Variants in ZDHHC3 observed in about 807,000 individuals in gnomAD.
ZDHHC3 encodes the protein zDHHC palmitoyltransferase 3.
ZDHHC3 carries 9 observed loss-of-function variants against 30.6 expected under a neutral mutation model. The ratio of observed to expected loss-of-function variants is 0.29; its 90% CI spans 0.18 to 0.51. The LOEUF is 0.51. ZDHHC3 is among the 20% of genes least tolerant of loss of function. ZDHHC3 has a pLI of 0.97. For missense variants in ZDHHC3, 246 were observed against 384.2 expected (o/e 0.64, Z 3.01); for synonymous variants, 136 against 140.2 (o/e 0.97, Z 0.21).
chr3:44,937,560 T>TTG lies in ZDHHC3; in HGVS notation c.432-3577_432-3576insCA, dbSNP rs1553686287. The TTG allele has an allele frequency of 2.7e-5, 4 of 147,310 alleles. No individual in the cohort carries two copies. The East Asian group carries it at 6.0e-4, about 22-fold the overall frequency. The allele number at this position is 147,310 out of a possible 1,614,324, so 9.1% of individuals were successfully genotyped here. A position where few individuals can be genotyped will look rare whatever the true frequency, so the allele number is the denominator to read the frequency against. ...GTCTCTAAAAATAAGTTTTTTTTTTTTTTTTTTTTTTTTAAAAAAAAAAGC... is the reference window on the plus strand; with the variant it reads ...GTCTCTAAAAATAAGTTTTTTTTTTTTGTTTTTTTTTTTTTAAAAAAAAAAGC... On this transcript the variant is annotated intron_variant, in intron 3 of 6. Transcript: ENST00000424952.
intron 2 of ZDHHC3, among the ~76,000 whole-genome samples, chr3:44,952,556 G>C (rs1279067639): frequency 1.3e-5 from 2 of 152,164 alleles, no homozygotes; most frequent in East Asian, 3.8e-4. Flanking sequence ...TCCTGGGCAG[G>C]GCTCTTGAGG....
intron 5 of ZDHHC3, chr3:44,932,893 A>G: frequency 6.2e-7 from 1 of 1,613,878 alleles, no homozygotes; most frequent in Non-Finnish European, 8.5e-7. Flanking sequence ...TGTCTGTCCA[A>G]CTCATGACTT....
At chr3:44,965,766 C>T (rs1277140066) in intron 1 of ZDHHC3, among the ~76,000 whole-genome samples, 6 of 152,184 alleles carry the variant, frequency 3.9e-5, no homozygotes, top group Non-Finnish European at 8.8e-5. Flanking sequence ...CCAAGGACCC[C>T]CATCCTCTCA....
Position 44,921,563 on chromosome 3 carries a change from G to T in ZDHHC3, c.*5126C>A, listed in dbSNP as rs1308628654. On this transcript the variant is annotated 3_prime_UTR_variant, in exon 7 of 7. Transcript: ENST00000424952. The stretch of plus-strand genomic sequence containing the variant: ...AACATGCTGGTTGCAAACCATGAAT[G>T]GCTGTGACCAATGGTTTGAAAAGCA... 1 of 985,260 alleles carries T rather than the reference G, an allele frequency of 1.0e-6. No individual in the cohort carries two copies. The highest frequency in any genetic ancestry group is 1.2e-6 in the Non-Finnish European group (1 of 829,934). The allele number at this position is 985,260 out of a possible 1,614,324, so 61.0% of individuals were successfully genotyped here. A position where few individuals can be genotyped will look rare whatever the true frequency, so the allele number is the denominator to read the frequency against.
intron 6 of ZDHHC3, among the ~76,000 whole-genome samples, chr3:44,928,246 C>T (rs770723601): frequency 2.0e-5 from 3 of 152,180 alleles, no homozygotes; most frequent in Admixed American, 6.5e-5. Flanking sequence ...CCAAAAGCCC[C>T]GCAACCTTCT....
At chr3:44,931,189 G>C (rs1197767862) in intron 5 of ZDHHC3, among the ~76,000 whole-genome samples, 1 of 152,158 alleles carries the variant, frequency 6.6e-6, no homozygotes. Context: ...TTTCCTTTCT[G>C]TACAGGGGAA....
chr3:44,952,201 T>C (rs1703523505), intron 2 of ZDHHC3, among the ~76,000 whole-genome samples: 1 of 152,146 alleles, frequency 6.6e-6, no homozygotes, highest in Non-Finnish European at 1.5e-5. Context: ...CCCTGTCACC[T>C]GGGGTAGAAA....
At chr3:44,928,701 C>T (rs1197171345) in intron 6 of ZDHHC3, among the ~76,000 whole-genome samples, 2 of 152,198 alleles carry the variant, frequency 1.3e-5, no homozygotes, top group African/African-American at 2.4e-5. Flanking sequence ...CAGCCAGCAG[C>T]CTCAAAGCTT....
intron 1 of ZDHHC3, among the ~76,000 whole-genome samples, chr3:44,965,191 A>G (rs948785861): frequency 2.0e-5 from 3 of 152,260 alleles, no homozygotes; most frequent in African/African-American, 7.2e-5. Context: ...GTGCTATTCT[A>G]AAAGCAACAA....
chr3:44,933,466 A>G, intron 4 of ZDHHC3: 1 of 574,508 alleles, frequency 1.7e-6, no homozygotes, highest in East Asian at 2.9e-5. Context: ...TCCAGGCAGT[A>G]TGAGCTGCCT....
At chr3:44,949,559 C>CAAAACAAAAACA (rs767899934) in intron 2 of ZDHHC3, among the ~76,000 whole-genome samples, 1 of 152,092 alleles carries the variant, frequency 6.6e-6, no homozygotes, top group African/African-American at 2.4e-5. Context: ...TAAAAACAAG[C>CAAAACAAAAACA]AAAACAAAAA....
At chr3:44,936,090 G>A (rs1701939243) in intron 3 of ZDHHC3, among the ~76,000 whole-genome samples, 1 of 152,140 alleles carries the variant, frequency 6.6e-6, no homozygotes, top group Non-Finnish European at 1.5e-5. Flanking sequence ...AGAATGGGAG[G>A]AAATATTTGC....
At position 44,922,427 on chromosome 3, in the gene ZDHHC3, G is replaced by A. The variant is rs144761941; in HGVS notation, c.*4262C>T. The stretch of plus-strand genomic sequence containing the variant: ...TGATGAGATGCACAAGGAGTGGTGG[G>A]CAGGCTAATAATTTGGATCTGCTTC... On this transcript the variant is annotated 3_prime_UTR_variant, in exon 7 of 7. Coordinates refer to ENST00000424952, the MANE Select transcript of ZDHHC3 (RefSeq NM_001135179.2). 2.2e-4 allele frequency: 212 copies of A among 985,430 alleles called. 2 individuals are homozygous for A. In the East Asian group the frequency reaches 0.02, roughly 93 times the overall value. The allele number at this position is 985,430 out of a possible 1,614,324, so 61.0% of individuals were successfully genotyped here.
rs1288276059 is a variant in ZDHHC3 at position 44,915,849 on chromosome 3, C to A, written c.*10840G>T. On this transcript the variant is annotated 3_prime_UTR_variant, in exon 7 of 7. Coordinates refer to ENST00000424952, the MANE Select transcript of ZDHHC3 (RefSeq NM_001135179.2). ...CTCTTCCCTTATTCTAACTGCTGCC[C>A]CCTAGGAGACTCCAGGGGGCAGGCA... is the stretch of plus-strand genomic sequence containing the variant. 2.0e-5 allele frequency: 3 copies of A among 152,234 alleles called. No individual in the cohort carries two copies. The highest frequency in any genetic ancestry group is 7.2e-5 in the African/African-American group (3 of 41,424). The allele number at this position is 152,234 out of a possible 1,614,324, so 9.4% of individuals were successfully genotyped here. A position where few individuals can be genotyped will look rare whatever the true frequency, so the allele number is the denominator to read the frequency against.
intron 3 of ZDHHC3, among the ~76,000 whole-genome samples, chr3:44,940,905 C>T (rs1702387190): frequency 1.3e-5 from 2 of 152,184 alleles, no homozygotes; most frequent in South Asian, 2.1e-4. Flanking sequence ...TAGCCACATT[C>T]CATGGGGTTC....
intron 1 of ZDHHC3, among the ~76,000 whole-genome samples, chr3:44,965,898 T>A (rs1284134255): frequency 6.6e-6 from 1 of 152,214 alleles, no homozygotes; most frequent in Non-Finnish European, 1.5e-5. Flanking sequence ...TTTGTGAGGA[T>A]TACTTTTCTA....
In ZDHHC3 at chr3:44,921,435, A is replaced by AT; in HGVS notation, c.*5253dup. On this transcript the variant is annotated 3_prime_UTR_variant, in exon 7 of 7. Coordinates refer to ENST00000424952, the MANE Select transcript of ZDHHC3 (RefSeq NM_001135179.2). ...TATATTGTAACCCACAAGAGGAAAC[A>AT]TTTTTCTGTTGCATTCCAGAACACA... 2.0e-6 allele frequency: 2 copies of AT among 985,370 alleles called. No individual in the cohort carries two copies. The allele number at this position is 985,370 out of a possible 1,614,324, so 61.0% of individuals were successfully genotyped here. A position where few individuals can be genotyped will look rare whatever the true frequency, so the allele number is the denominator to read the frequency against.
intron 1 of ZDHHC3, among the ~76,000 whole-genome samples, chr3:44,964,014 C>A (rs1019777311): frequency 1.3e-5 from 2 of 152,226 alleles, no homozygotes; most frequent in Non-Finnish European, 2.9e-5. Flanking sequence ...CAGCTCCCAA[C>A]CTAATAACAC....
At chr3:44,975,766 T>TCACACACACA (rs1163057741) in intron 1 of ZDHHC3, among the ~76,000 whole-genome samples, 167 bp downstream of exon 1, 24 of 144,430 alleles carry the variant, frequency 1.7e-4, no homozygotes, top group African/African-American at 6.6e-4. Context: ...TCTCTCTCTC[T>TCACACACACA]CTCTCTCACA....
Sources: allele counts gnomAD v4.1 joint callset (sites outside exome capture counted in the v4.1 genomes callset), GRCh38; gene constraint gnomAD v4.1.1; transcripts MANE v1.5; gene names NCBI Gene and HGNC (gene_info 2026-07-23, HGNC 2026-07-21).